The following IQCM variants were observed in gnomAD, a reference collection of about 807,000 sequenced individuals.
IQCM encodes the protein IQ domain-containing protein M.
In IQCM, 45 loss-of-function variants were observed where a neutral mutation model predicts 57.6. The ratio of observed to expected loss-of-function variants is 0.78; its 90% CI spans 0.62 to 1.00. The LOEUF is 1.00. Ranked by LOEUF, IQCM falls within the 50% of genes least tolerant of loss-of-function variation. The pLI is 0.00. For missense variants in IQCM, 468 were observed against 511.6 expected (o/e 0.91, Z 0.82); for synonymous variants, 148 against 158.9 (o/e 0.93, Z 0.51).
At chr4:149,645,454 C>G (rs1310205584) in intron 7 of IQCM, among the ~76,000 whole-genome samples, 1 of 152,102 alleles carries the variant, frequency 6.6e-6, no homozygotes, top group Non-Finnish European at 1.5e-5. Context: ...AAGAATTCAA[C>G]TTAATGAATT....
At chr4:149,456,301 CT>C (rs1271288086) in intron 12 of IQCM, among the ~76,000 whole-genome samples, 4 of 152,034 alleles carry the variant, frequency 2.6e-5, no homozygotes, top group Admixed American at 6.6e-5. Context: ...AGGGACATTC[CT>C]TTTCTTGGAT....
chr4:149,436,963 T>C (rs1479218941), intron 12 of IQCM, among the ~76,000 whole-genome samples: 2 of 152,128 alleles, frequency 1.3e-5, no homozygotes, highest in Non-Finnish European at 2.9e-5. Flanking sequence ...AAAATCAGAA[T>C]ATGTTTAATT....
chr4:149,636,010 A>G (rs1441377902), intron 7 of IQCM, among the ~76,000 whole-genome samples: 1 of 152,208 alleles, frequency 6.6e-6, no homozygotes, highest in East Asian at 1.9e-4. Flanking sequence ...TCATTTAAAA[A>G]TCTTAAAACA....
chr4:149,375,371 G>C (rs1286222774), intron 13 of IQCM, among the ~76,000 whole-genome samples: 1 of 152,110 alleles, frequency 6.6e-6, no homozygotes, highest in African/African-American at 2.4e-5. Flanking sequence ...AGGAAGCAGA[G>C]AGATCAAGAA....
At chr4:149,524,810 A>T (rs1024456832) in intron 12 of IQCM, among the ~76,000 whole-genome samples, 8 of 151,790 alleles carry the variant, frequency 5.3e-5, no homozygotes, top group Admixed American at 5.3e-4. Context: ...GAAAAGAGAC[A>T]TAACCATCTG....
intron 5 of IQCM, among the ~76,000 whole-genome samples, chr4:149,716,949 G>T (rs1309383888): frequency 6.6e-6 from 1 of 152,174 alleles, no homozygotes; most frequent in Non-Finnish European, 1.5e-5. Context: ...CTTCCAGGTT[G>T]GCAAGCACAC....
At chr4:149,642,226 A>G (rs1195981939) in intron 7 of IQCM, among the ~76,000 whole-genome samples, 1 of 152,180 alleles carries the variant, frequency 6.6e-6, no homozygotes, top group Non-Finnish European at 1.5e-5. Flanking sequence ...ATAGAATTAT[A>G]GTATATTTTG....
chr4:149,406,076 G>A (rs1423811439), intron 13 of IQCM, among the ~76,000 whole-genome samples: 2 of 151,674 alleles, frequency 1.3e-5, no homozygotes, highest in African/African-American at 4.8e-5. Context: ...TAATAGCCAA[G>A]ATTTTTTCAC....
At chr4:149,602,157 A>G (rs1754372834) in intron 8 of IQCM, among the ~76,000 whole-genome samples, 1 of 152,170 alleles carries the variant, frequency 6.6e-6, no homozygotes, top group Non-Finnish European at 1.5e-5. Context: ...CATGCTATTT[A>G]CATCATATTA....
intron 9 of IQCM, among the ~76,000 whole-genome samples, chr4:149,572,636 AT>A (rs1413718801): frequency 6.6e-6 from 1 of 152,042 alleles, no homozygotes; most frequent in Non-Finnish European, 1.5e-5. Flanking sequence ...TTCTGAACAT[AT>A]TTTTGTGAGA....
intron 7 of IQCM, among the ~76,000 whole-genome samples, chr4:149,667,213 C>T (rs768169314): frequency 6.6e-6 from 1 of 152,112 alleles, no homozygotes; most frequent in Non-Finnish European, 1.5e-5. Flanking sequence ...CCCTCTGGGA[C>T]GGAGCTTCCA....
intron 8 of IQCM, among the ~76,000 whole-genome samples, chr4:149,616,461 T>G (rs541085550): frequency 1.1e-4 from 17 of 152,242 alleles, no homozygotes; most frequent in African/African-American, 3.8e-4. Context: ...TAGTGTTTAC[T>G]ATGTAGAGTT....
chr4:149,463,731 T>C (rs1477444792), intron 12 of IQCM, among the ~76,000 whole-genome samples: 2 of 152,194 alleles, frequency 1.3e-5, no homozygotes, highest in South Asian at 2.1e-4. Context: ...CTTTACAAGA[T>C]GCCTATAACA....
At chr4:149,585,957 A>C (rs1034503472) in intron 9 of IQCM, among the ~76,000 whole-genome samples, 3 of 151,700 alleles carry the variant, frequency 2.0e-5, no homozygotes, top group African/African-American at 7.2e-5. Context: ...AGGGTAGACT[A>C]TACAGAAAAA....
intron 10 of IQCM, among the ~76,000 whole-genome samples, chr4:149,556,649 A>C (rs1749614144): frequency 6.6e-6 from 1 of 152,228 alleles, no homozygotes; most frequent in South Asian, 2.1e-4. Context: ...ACCTATACAC[A>C]GTGAAATAAA....
intron 2 of IQCM, among the ~76,000 whole-genome samples, chr4:149,791,804 C>T (rs1206445161): frequency 4.6e-5 from 7 of 151,950 alleles, no homozygotes; most frequent in Admixed American, 6.6e-5. Flanking sequence ...CTTCAGAATC[C>T]CGTATGATCA....
intron 12 of IQCM, chr4:149,514,735 G>A (rs1560937237): frequency 1.3e-5 from 2 of 152,248 alleles, no homozygotes; most frequent in Non-Finnish European, 2.9e-5. Context: ...TATTGATCCT[G>A]GGTGTGTCTG....
intron 13 of IQCM, among the ~76,000 whole-genome samples, chr4:149,359,040 T>C (rs1360757904): frequency 4.6e-5 from 7 of 151,956 alleles, no homozygotes; most frequent in African/African-American, 1.5e-4. Flanking sequence ...CAAGGAAATT[T>C]CCCTGTTTCC....
chr4:149,696,685 T>G lies in IQCM; in HGVS notation c.386-10217A>C, dbSNP rs533233923. Among the ~76,000 whole-genome samples, 13 of 152,276 alleles carry G rather than the reference T, an allele frequency of 8.5e-5. 1 individual carries two copies. The highest frequency in any genetic ancestry group is 6.2e-4 in the South Asian group (3 of 4,828). ...TAGATGTCTCTTGCTTATGGTCCTTTGAGTTAGCCAGAGCAGTTCTGCTTC... is the reference window on the plus strand; with the variant it reads ...TAGATGTCTCTTGCTTATGGTCCTTGGAGTTAGCCAGAGCAGTTCTGCTTC... On this transcript the variant is annotated intron_variant, in intron 5 of 13. Coordinates refer to ENST00000636793, the MANE Select transcript of IQCM (RefSeq NM_001363507.2).
Sources: allele counts gnomAD v4.1 joint callset (sites outside exome capture counted in the v4.1 genomes callset), GRCh38; gene constraint gnomAD v4.1.1; transcripts MANE v1.5; gene names NCBI Gene and HGNC (gene_info 2026-07-23, HGNC 2026-07-21).